Variants in EYA1 observed in about 807,000 individuals in gnomAD.
EYA1 encodes EYA transcriptional coactivator and phosphatase 1.
EYA1 carries 16 observed loss-of-function variants against 82.0 expected under a neutral mutation model. The ratio of observed to expected loss-of-function variants is 0.20; its 90% confidence interval spans 0.13 to 0.30. EYA1 has a LOEUF of 0.30. EYA1 is among the 10% of genes least tolerant of loss of function. The probability of loss-of-function intolerance (pLI) is 1.00; values close to 1 mark genes in which losing one functional copy is unlikely to be tolerated. For synonymous variants in EYA1, 261 were observed against 264.4 expected (o/e 0.99, Z 0.12); for missense variants, 633 against 730.7 (o/e 0.87, Z 1.54).
At chr8:71,311,169 T>C (rs1821292830) in intron 7 of EYA1, among the ~76,000 whole-genome samples, 2 of 152,202 alleles carry the variant, frequency 1.3e-5, no homozygotes, top group Non-Finnish European at 1.5e-5. Context: ...TAAATCTATA[T>C]TATATGTGGA....
intron 7 of EYA1, among the ~76,000 whole-genome samples, chr8:71,311,073 T>C (rs1022204613): frequency 6.6e-6 from 1 of 152,188 alleles, no homozygotes; most frequent in Non-Finnish European, 1.5e-5. Flanking sequence ...CTCAGCCAAA[T>C]TGCTAAACAA....
rs772475598 is a variant in EYA1, at chr8:71,535,759, C to G, written c.18G>C (p.Gly6=). The G allele has an allele frequency of 1.6e-5, 25 of 1,520,438 alleles. No homozygotes were observed. In the South Asian group the frequency reaches 2.8e-4, roughly 17 times the overall value. The allele number at this position is 1,520,438 out of a possible 1,614,324, so 94.2% of individuals were successfully genotyped here. A position where few individuals can be genotyped will look rare whatever the true frequency, so the allele number is the denominator to read the frequency against. Residue 6 remains glycine (G), a synonymous_variant, in exon 2 of 19, where the codon GGG becomes GGC. Transcript: ENST00000643681. ...GTTTACTTACAGACTGTCCATTTAT[C>G]CCCCGGGGGTCTTCCATTGAAGACT...
intron 2 of EYA1, among the ~76,000 whole-genome samples, chr8:71,424,526 T>C (rs1259752937): frequency 6.6e-6 from 1 of 152,186 alleles, no homozygotes; most frequent in African/African-American, 2.4e-5. Context: ...GGACTCACCT[T>C]AATGAAATAT....
upstream of EYA1, chr8:71,362,257 T>C: frequency 7.5e-6 from 7 of 934,478 alleles, no homozygotes; most frequent in Non-Finnish European, 8.8e-6. Flanking sequence ...AAAGGAGCAC[T>C]GCTCTGTCTG....
At chr8:71,220,558 G>A (rs7836484) in intron 12 of EYA1, among the ~76,000 whole-genome samples, 33,974 of 152,086 alleles carry the variant, frequency 0.22, 4,097 homozygotes, top group African/African-American at 0.33. Flanking sequence ...TCAAATTATT[G>A]AGAGGCTGCT....
At position 71,357,163 on chromosome 8, in the gene EYA1, C is replaced by T. The variant is rs184578331; in HGVS notation, c.-54-652G>A. On this transcript the variant is annotated intron_variant, in intron 1 of 17. Transcript: ENST00000340726. ...ACTGAACAATGTGCTCATTTACCCT[C>T]GCCAATTTAAAATTCAATGGGTTCT... Among the ~76,000 whole-genome samples the T allele has an allele frequency of 6.5e-4, 99 of 152,312 alleles. 1 individual carries two copies. In the Middle Eastern group the frequency reaches 0.01, roughly 16 times the overall value.
At chr8:71,471,456 T>C (rs1238366428) in intron 2 of EYA1, among the ~76,000 whole-genome samples, 1 of 152,046 alleles carries the variant, frequency 6.6e-6, no homozygotes, top group Non-Finnish European at 1.5e-5. Flanking sequence ...TGCATATAGA[T>C]GTACATATAT....
Position 71,517,861 on chromosome 8 carries a change from A to G in EYA1, c.33+17883T>C, listed in dbSNP as rs549130462. Among the ~76,000 whole-genome samples, 90 of 151,696 alleles carry G rather than the reference A, an allele frequency of 5.9e-4. 3 individuals are homozygous for G. Among genetic ancestry groups the G allele is most frequent in the Admixed American group, 5.1e-3 (77 of 15,198 alleles). On this transcript the variant is annotated intron_variant, in intron 2 of 18. Coordinates refer to the EYA1 transcript ENST00000643681. The stretch of plus-strand genomic sequence containing the variant: ...TTAATTACTTAAATTCCTGATCAAC[A>G]TATACAATCCCTGATTCCTAATGAA...
chr8:71,361,050 A>G (rs899094463), intron 1 of EYA1, among the ~76,000 whole-genome samples: 1 of 152,234 alleles, frequency 6.6e-6, no homozygotes, highest in Non-Finnish European at 1.5e-5. Context: ...AAAATATATT[A>G]ATTGGGTAAA....
intron 12 of EYA1, among the ~76,000 whole-genome samples, chr8:71,230,608 C>T (rs899275172): frequency 6.6e-6 from 1 of 152,184 alleles, no homozygotes; most frequent in Non-Finnish European, 1.5e-5. Flanking sequence ...AGGACTGAAC[C>T]CAGGTCTCTC....
chr8:71,423,884 A>T (rs1831278719), intron 2 of EYA1, among the ~76,000 whole-genome samples: 1 of 152,216 alleles, frequency 6.6e-6, no homozygotes, highest in Admixed American at 6.5e-5. Context: ...TGAGTAGAAT[A>T]CAGGTCTTGG....
intron 2 of EYA1, among the ~76,000 whole-genome samples, chr8:71,411,642 T>G (rs1830595540): frequency 6.6e-6 from 1 of 151,618 alleles, no homozygotes; most frequent in South Asian, 2.1e-4. Flanking sequence ...TCATCATCAC[T>G]GGCCATCAGA....
chr8:71,314,467 G>T (rs563476192), intron 7 of EYA1, among the ~76,000 whole-genome samples: 1 of 152,222 alleles, frequency 6.6e-6, no homozygotes, highest in South Asian at 2.1e-4. Context: ...TCATATTACA[G>T]GTTGAATATC....
chr8:71,429,057 C>T (rs551890531), intron 2 of EYA1, among the ~76,000 whole-genome samples: 4 of 152,214 alleles, frequency 2.6e-5, no homozygotes, highest in African/African-American at 9.6e-5. Flanking sequence ...ATTTGGTCAC[C>T]TTCTATAGGA....
At chr8:71,200,940 T>C (rs1806917281) in intron 17 of EYA1, among the ~76,000 whole-genome samples, 1 of 149,152 alleles carries the variant, frequency 6.7e-6, no homozygotes, top group African/African-American at 2.5e-5. Context: ...TATGAAAGAT[T>C]AACATTCAGA....
chr8:71,327,755 T>C (rs919487601), intron 4 of EYA1, among the ~76,000 whole-genome samples: 19 of 152,118 alleles, frequency 1.2e-4, no homozygotes, highest in African/African-American at 3.9e-4. Flanking sequence ...CAGGTGGAGA[T>C]AGCAATCACC....
At chr8:71,207,997 G>A (rs910598030) in intron 17 of EYA1, among the ~76,000 whole-genome samples, 56 of 152,108 alleles carry the variant, frequency 3.7e-4, no homozygotes, top group African/African-American at 1.3e-3. Flanking sequence ...CATTCTATGT[G>A]TATTAAATTA....
chr8:71,406,849 G>A (rs1158215655), intron 2 of EYA1, among the ~76,000 whole-genome samples: 3 of 144,908 alleles, frequency 2.1e-5, no homozygotes, highest in Non-Finnish European at 3.0e-5. Flanking sequence ...CAGCCGGGAA[G>A]CTCGAACTGG....
At chr8:71,289,744 G>A (rs1438546316) in intron 9 of EYA1, among the ~76,000 whole-genome samples, 1 of 152,184 alleles carries the variant, frequency 6.6e-6, no homozygotes. Context: ...TGAATGAACA[G>A]TGCTTAGAAC....
Sources: gnomAD v4.1 joint callset for allele counts (sites outside exome capture counted in the v4.1 genomes callset) on GRCh38, gnomAD v4.1.1 for gene constraint, MANE v1.5 for transcripts, NCBI Gene and HGNC (gene_info 2026-07-23, HGNC 2026-07-21) for gene names.